Variants in SLC25A35 observed in about 807,000 individuals in gnomAD.
The protein encoded by SLC25A35 is solute carrier family 25 member 35.
A neutral mutation model predicts 30.5 loss-of-function variants in SLC25A35; 32 were observed. The ratio of observed to expected loss-of-function variants is 1.05; its 90% CI spans 0.79 to 1.41. The LOEUF (loss-of-function observed/expected upper bound fraction) is 1.41. SLC25A35 is among the 40% of genes most tolerant of loss of function. The probability of loss-of-function intolerance (pLI) is 0.00; values close to 1 mark genes in which losing one functional copy is unlikely to be tolerated. For synonymous variants in SLC25A35, 142 were observed against 158.1 expected, an observed-to-expected ratio of 0.90 and a Z score of 0.77; for missense variants, 369 against 388.0, an observed-to-expected ratio of 0.95 and a Z score of 0.41.
At position 8,290,983 on chromosome 17, in the gene SLC25A35, G is replaced by C; in HGVS notation, c.595-7C>G. 1 of 1,613,960 alleles carries C rather than the reference G, an allele frequency of 6.2e-7. No homozygotes were observed. The highest frequency in any genetic ancestry group is 8.5e-7 in the Non-Finnish European group (1 of 1,179,950). On this transcript the variant is annotated splice_polypyrimidine_tract_variant and splice_region_variant and intron_variant, in intron 3 of 4. Transcript: ENST00000577745. Reference sequence around the variant, plus strand: ...AGCTCTGGGGAGGAAAGATCTAAGGGGGTAGAGAGGAAGAGCGTTGTCAAC... The same window carrying C: ...AGCTCTGGGGAGGAAAGATCTAAGGCGGTAGAGAGGAAGAGCGTTGTCAAC...
chr17:8,289,609 G>C (rs751151619), downstream of SLC25A35: 11 of 1,609,776 alleles, frequency 6.8e-6, no homozygotes, highest in South Asian at 1.2e-4. Flanking sequence ...AGGAACGGGC[G>C]GGTATCTCAT....
Position 8,295,298 on chromosome 17 carries a change from C to T in SLC25A35, c.-491G>A. ...TCCGAGAAAGAAGTCAGGACTCTGG[C>T]CAGGAATGAGCGTCCCTGAGCGTCC... On this transcript the variant is annotated 5_prime_UTR_variant, in exon 1 of 5. Coordinates refer to ENST00000577745, the MANE Select transcript of SLC25A35 (RefSeq NM_001320870.2). 2 of 986,800 alleles carry T rather than the reference C, an allele frequency of 2.0e-6. No homozygotes were observed. The highest frequency in any genetic ancestry group is 2.4e-6 in the Non-Finnish European group (2 of 830,832). 61.1% of individuals were successfully genotyped at this position (986,800 alleles called of 1,614,324 possible).
At chr17:8,289,981 G>C, downstream of SLC25A35, 2 of 1,612,200 alleles carry the variant, frequency 1.2e-6, no homozygotes, top group South Asian at 2.2e-5. Context: ...TTGGGGACTC[G>C]GTTCTGTGAG....
downstream of SLC25A35, chr17:8,288,435 GTCAATCAA>G (rs138372313): frequency 1.1e-4 from 42 of 377,866 alleles, no homozygotes; most frequent in Admixed American, 2.7e-4. Context: ...AGCGAGACCT[GTCAATCAA>G]TCAATCAATC....
At position 8,291,503 on chromosome 17, in the gene SLC25A35, G is replaced by C; in HGVS notation, c.442-18C>G. On this transcript the variant is annotated intron_variant, in intron 2 of 4. Transcript: ENST00000577745. Reference sequence around the variant, plus strand: ...AACATGCCCTAGTGTGGGGAAGACCGGGGGTGGGGTTCAGACAGCCCAGCA... The same window carrying C: ...AACATGCCCTAGTGTGGGGAAGACCCGGGGTGGGGTTCAGACAGCCCAGCA... The C allele has an allele frequency of 6.3e-7, 1 of 1,598,582 alleles. No individual in the cohort carries two copies. Among genetic ancestry groups the C allele is most frequent in the Non-Finnish European group, 8.5e-7 (1 of 1,171,916 alleles).
intron 1 of SLC25A35, 94 bp downstream of exon 1, chr17:8,294,339 C>T (rs1990717481): frequency 1.5e-6 from 2 of 1,372,696 alleles, no homozygotes; most frequent in East Asian, 2.3e-5. Flanking sequence ...TGCAGTGGGG[C>T]AGCACTCTGC....
downstream of SLC25A35, chr17:8,288,564 T>A: frequency 1.6e-6 from 1 of 615,524 alleles, no homozygotes; most frequent in Admixed American, 2.8e-5. Context: ...CCAGGCGCAC[T>A]CCTAAGAGCG....
chr17:8,290,408 G>A lies in SLC25A35; in HGVS notation c.*97C>T. On this transcript the variant is annotated 3_prime_UTR_variant, in exon 5 of 5. Transcript: ENST00000577745. ...GTGGGGTTGGCTGTCCCCCATGGAT[G>A]GATGAAAGGTCACCTAATCAGTAGT... 5 of 1,480,044 alleles carry A rather than the reference G, an allele frequency of 3.4e-6. No individual in the cohort carries two copies. Among genetic ancestry groups the A allele is most frequent in the East Asian group, 4.9e-5 (2 of 40,418 alleles). The allele number at this position is 1,480,044 out of a possible 1,614,324, so 91.7% of individuals were successfully genotyped here. A position where few individuals can be genotyped will look rare whatever the true frequency, so the allele number is the denominator to read the frequency against.
At chr17:8,293,772 C>T (rs1408060222) in intron 1 of SLC25A35, among the ~76,000 whole-genome samples, 1 of 150,124 alleles carries the variant, frequency 6.7e-6, no homozygotes, top group Non-Finnish European at 1.5e-5. Context: ...AGGATGGTCT[C>T]CATCTCCTGA....
At position 8,294,887 on chromosome 17, in the gene SLC25A35, G is replaced by C. The variant is rs1373030955; in HGVS notation, c.-80C>G. ...TCAGAAAGCGGGGTTGGAAGACAGG[G>C]GGAAGGCCTGTTTCAGCAGTACAGG... On this transcript the variant is annotated 5_prime_UTR_variant, in exon 1 of 5. Coordinates refer to ENST00000577745, the MANE Select transcript of SLC25A35 (RefSeq NM_001320870.2). 3 of 1,508,166 alleles carry C rather than the reference G, an allele frequency of 2.0e-6. No homozygotes were observed. The African/African-American group carries it at 4.2e-5, about 21-fold the overall frequency. 93.4% of individuals were successfully genotyped at this position (1,508,166 alleles called of 1,614,324 possible).
Position 8,294,848 on chromosome 17 carries a change from A to G in SLC25A35, c.-41T>C. 6.6e-7 allele frequency: 1 copy of G among 1,524,354 alleles called. No individual in the cohort carries two copies. The highest frequency in any genetic ancestry group is 8.8e-7 in the Non-Finnish European group (1 of 1,136,470). 94.4% of individuals were successfully genotyped at this position (1,524,354 alleles called of 1,614,324 possible). ...GCAGGAACTGACCCAAGAGTAAGAA[A>G]GTAAAAATGGGTGTCAGAAAGCGGG... On this transcript the variant is annotated 5_prime_UTR_variant, in exon 1 of 5. Transcript: ENST00000577745.
chr17:8,291,122 G>A lies in SLC25A35; in HGVS notation c.595-146C>T, dbSNP rs996851421. 12 of 1,323,782 alleles carry A rather than the reference G, an allele frequency of 9.1e-6. No individual in the cohort carries two copies. The East Asian group carries it at 2.9e-4, about 32-fold the overall frequency. 82.0% of individuals were successfully genotyped at this position (1,323,782 alleles called of 1,614,324 possible). On this transcript the variant is annotated intron_variant, in intron 3 of 4. Coordinates refer to ENST00000577745, the MANE Select transcript of SLC25A35 (RefSeq NM_001320870.2). ...ATAACAGTGCAAAAACAGTGAGAAG[G>A]AGGAAGGCCAGGGTACCCTGAAGGC...
chr17:8,294,648 C>T lies in SLC25A35; in HGVS notation c.160G>A (p.Gly54Ser), dbSNP rs140818558. ...AGGGCAGCAAGGCCATCCACCTTGC[C>T]GATGGTGATGAAGGCATGGAAGACA... ...RNVFHAFITI[G>S]KVDGLAALQK... Residue 54 changes from glycine to serine, a missense_variant, in exon 1 of 5, where the codon GGC becomes AGC. Coordinates refer to ENST00000577745, the MANE Select transcript of SLC25A35 (RefSeq NM_001320870.2). The T allele has an allele frequency of 6.2e-6, 10 of 1,614,048 alleles. No homozygotes were observed. Among genetic ancestry groups the T allele is most frequent in the African/African-American group, 1.3e-5 (1 of 74,918 alleles).
chr17:8,290,785 C>T (rs563771174), intron 4 of SLC25A35, 57 bp downstream of exon 4: 15 of 1,604,890 alleles, frequency 9.3e-6, no homozygotes, highest in Middle Eastern at 1.7e-4. Context: ...CACCTGCACC[C>T]GCAATCTGCC....
At chr17:8,291,727 G>C (rs1336452243) in intron 2 of SLC25A35, among the ~76,000 whole-genome samples, 1 of 152,184 alleles carries the variant, frequency 6.6e-6, no homozygotes, top group East Asian at 1.9e-4. Context: ...GAGAAACAGG[G>C]GCAGAAAATT....
Position 8,292,555 on chromosome 17 carries a change from C to T in SLC25A35, c.409G>A (p.Glu137Lys), listed in dbSNP as rs146737646. The T allele has an allele frequency of 4.5e-4, 734 of 1,614,114 alleles. 1 individual carries two copies. The highest frequency in any genetic ancestry group is 5.1e-4 in the Non-Finnish European group (596 of 1,180,004). ...KTHLQAQAAS[E>K]IAVGHQYKHQ... Reference sequence around the variant, plus strand: ...TTATACTGGTGCCCTACAGCAATTTCTGAGGCTGCCTGTGCCTGCAGGTGT... The same window carrying T: ...TTATACTGGTGCCCTACAGCAATTTTTGAGGCTGCCTGTGCCTGCAGGTGT... The change falls in exon 2 of 5, where the codon GAA (glutamate) becomes AAA (lysine). Residue 137 changes from glutamate to lysine, a missense_variant. Physicochemically the swap from Glu to Lys is moderately conservative, Grantham distance 56 (BLOSUM62 1). Transcript: ENST00000577745.
At chr17:8,291,605 G>A in intron 2 of SLC25A35, 120 bp from the exon 3 acceptor site, 1 of 1,350,120 alleles carries the variant, frequency 7.4e-7, no homozygotes, top group Non-Finnish European at 9.9e-7. Flanking sequence ...AGTTCAATGT[G>A]GGCTTAGAGC....
At position 8,290,503 on chromosome 17, in the gene SLC25A35, T is replaced by A. The variant is rs979997341; in HGVS notation, c.*2A>T. ...ATTTGGTGGAGACTGGGAAAGCGGCTGTTATTTAGTGTCTGTGTAGTAGAG... is the reference window on the plus strand; with the variant it reads ...ATTTGGTGGAGACTGGGAAAGCGGCAGTTATTTAGTGTCTGTGTAGTAGAG... On this transcript the variant is annotated 3_prime_UTR_variant, in exon 5 of 5. Transcript: ENST00000577745. 2 of 1,535,542 alleles carry A rather than the reference T, an allele frequency of 1.3e-6. No individual in the cohort carries two copies. Among genetic ancestry groups the A allele is most frequent in the Admixed American group, 3.9e-5 (2 of 50,944 alleles).
At chr17:8,293,120 T>A (rs990554683) in intron 1 of SLC25A35, among the ~76,000 whole-genome samples, 1 of 152,162 alleles carries the variant, frequency 6.6e-6, no homozygotes, top group South Asian at 2.1e-4. Context: ...TACTTCCCCG[T>A]CTCTTTTGCT....
Sources: allele counts gnomAD v4.1 joint callset (sites outside exome capture counted in the v4.1 genomes callset), GRCh38; gene constraint gnomAD v4.1.1; transcripts MANE v1.5; gene names NCBI Gene and HGNC (gene_info 2026-07-23, HGNC 2026-07-21).